The following STK24 variants were observed in gnomAD, a reference collection of about 807,000 sequenced individuals.
The protein encoded by STK24 is serine/threonine-protein kinase 24.
A neutral mutation model predicts 55.6 loss-of-function variants in STK24; 21 were observed. The ratio of observed to expected loss-of-function variants is 0.38; its 90% CI spans 0.27 to 0.54. The LOEUF is 0.54. Among genes scored for constraint, STK24 ranks in the 20% least tolerant of loss-of-function variants. The pLI is 0.79. For synonymous variants in STK24, 200 were observed against 215.2 expected, an observed-to-expected ratio of 0.93 and a Z score of 0.62; for missense variants, 383 against 538.4, an observed-to-expected ratio of 0.71 and a Z score of 2.86.
intron 2 of STK24, among the ~76,000 whole-genome samples, chr13:98,508,389 G>A (rs1022292036): frequency 9.2e-5 from 14 of 152,296 alleles, no homozygotes; most frequent in African/African-American, 3.1e-4. Flanking sequence ...AAGAAACATA[G>A]TAGGAAATTT....
chr13:98,550,653 C>A (rs1897135353), intron 1 of STK24, among the ~76,000 whole-genome samples: 1 of 152,172 alleles, frequency 6.6e-6, no homozygotes, highest in South Asian at 2.1e-4. Flanking sequence ...TACTGGTGGT[C>A]CCATGAAAGC....
intron 2 of STK24, among the ~76,000 whole-genome samples, chr13:98,507,977 G>C (rs1377480116): frequency 6.6e-6 from 1 of 151,626 alleles, no homozygotes; most frequent in Non-Finnish European, 1.5e-5. Flanking sequence ...AAATGCAACA[G>C]GGAAAGTACC....
chr13:98,576,183 T>A, intron 1 of STK24: 1 of 985,348 alleles, frequency 1.0e-6, no homozygotes, highest in Non-Finnish European at 1.2e-6. Context: ...GCAAAGCCAC[T>A]GCAAGTGGAA....
In STK24 at chr13:98,446,246, G is replaced by A; in HGVS notation, c.*6927C>T. On this transcript the variant is annotated 3_prime_UTR_variant, in exon 11 of 11. Coordinates refer to ENST00000539966, the MANE Select transcript of STK24 (RefSeq NM_001032296.4). Reference sequence around the variant, plus strand: ...AGGGCAGGTGGCCCTGGGACCTTGGGGGTGGCAGCATGAGGTGAGGGGGCC... The same window carrying A: ...AGGGCAGGTGGCCCTGGGACCTTGGAGGTGGCAGCATGAGGTGAGGGGGCC... 1 of 1,402,884 alleles carries A rather than the reference G, an allele frequency of 7.1e-7. No homozygotes were observed. Among genetic ancestry groups the A allele is most frequent in the Non-Finnish European group, 1.0e-6 (1 of 992,402 alleles). 86.9% of individuals were successfully genotyped at this position (1,402,884 alleles called of 1,614,324 possible). A position where few individuals can be genotyped will look rare whatever the true frequency, so the allele number is the denominator to read the frequency against.
At chr13:98,555,676 C>A (rs1180457947) in intron 1 of STK24, among the ~76,000 whole-genome samples, 1 of 149,946 alleles carries the variant, frequency 6.7e-6, no homozygotes, top group Non-Finnish European at 1.5e-5. Context: ...TATCAGCCTC[C>A]CTGTCTTTTT....
At chr13:98,499,517 C>T (rs906328559) in intron 2 of STK24, among the ~76,000 whole-genome samples, 25 of 152,168 alleles carry the variant, frequency 1.6e-4, no homozygotes, top group Non-Finnish European at 7.3e-5. Context: ...GCTGAAAGAA[C>T]TCACTGATGG....
intron 2 of STK24, among the ~76,000 whole-genome samples, chr13:98,504,590 G>A (rs1251972714): frequency 6.6e-6 from 1 of 152,224 alleles, no homozygotes; most frequent in African/African-American, 2.4e-5. Context: ...GGTTCATGGT[G>A]AGAATGAAGC....
In STK24 at chr13:98,448,137, C is replaced by T. The variant is rs536348607; in HGVS notation, c.*5036G>A. 3.2e-5 allele frequency: 31 copies of T among 976,348 alleles called. No homozygotes were observed. The highest frequency in any genetic ancestry group is 1.1e-4 in the Admixed American group (6 of 56,476). 60.5% of individuals were successfully genotyped at this position (976,348 alleles called of 1,614,324 possible). A position where few individuals can be genotyped will look rare whatever the true frequency, so the allele number is the denominator to read the frequency against. ...CTGAAGTGGCAGATTACCAACCAGG[C>T]GGCCTGACTTCACCTTGTGTTTCTG... On this transcript the variant is annotated 3_prime_UTR_variant, in exon 11 of 11. Coordinates refer to ENST00000539966, the MANE Select transcript of STK24 (RefSeq NM_001032296.4).
chr13:98,547,860 C>G (rs960250506), intron 1 of STK24, among the ~76,000 whole-genome samples: 1 of 152,232 alleles, frequency 6.6e-6, no homozygotes, highest in Admixed American at 6.5e-5. Context: ...CAGCCTCATT[C>G]ACCTTCTCAT....
chr13:98,527,124 T>A (rs1241437043), intron 1 of STK24, among the ~76,000 whole-genome samples: 1 of 152,088 alleles, frequency 6.6e-6, no homozygotes, highest in Non-Finnish European at 1.5e-5. Flanking sequence ...CTATCACTCT[T>A]CACAGGGAAT....
chr13:98,556,534 C>CA (rs1288289297), intron 1 of STK24, among the ~76,000 whole-genome samples: 4 of 151,874 alleles, frequency 2.6e-5, no homozygotes, highest in South Asian at 4.2e-4. Context: ...ACAACAACAA[C>CA]AAAAAAATCA....
intron 1 of STK24, among the ~76,000 whole-genome samples, chr13:98,560,691 C>T (rs193273771): frequency 1.2e-3 from 175 of 152,098 alleles, no homozygotes; most frequent in Middle Eastern, 0.01. Context: ...CCAGCCTAAC[C>T]AACATGGTGA....
At chr13:98,503,024 G>GTTTTTTGTT (rs1555306359) in intron 2 of STK24, among the ~76,000 whole-genome samples, 1 of 107,084 alleles carries the variant, frequency 9.3e-6, no homozygotes. Context: ...CTTTCCATGT[G>GTTTTTTGTT]TTTTTTTTTT....
intron 1 of STK24, among the ~76,000 whole-genome samples, chr13:98,524,398 G>A (rs937333725): frequency 2.0e-5 from 3 of 152,200 alleles, no homozygotes; most frequent in African/African-American, 7.2e-5. Context: ...AGCATGTGGA[G>A]AGGCCTGTTC....
intron 1 of STK24, among the ~76,000 whole-genome samples, chr13:98,547,487 A>C (rs1314333549): frequency 2.0e-5 from 3 of 152,174 alleles, no homozygotes; most frequent in African/African-American, 7.2e-5. Context: ...GTTCGAGGCT[A>C]TAGTTAGCCA....
At position 98,449,036 on chromosome 13, in the gene STK24, C is replaced by A. The variant is rs1893050267; in HGVS notation, c.*4137G>T. The stretch of plus-strand genomic sequence containing the variant: ...TGTTAAGCAAAGCCGAGATCCAGTG[C>A]AATACCTGGACTGTCACCGTCCTGT... On this transcript the variant is annotated 3_prime_UTR_variant, in exon 11 of 11. Coordinates refer to ENST00000539966, the MANE Select transcript of STK24 (RefSeq NM_001032296.4). 1 of 152,248 alleles carries A rather than the reference C, an allele frequency of 6.6e-6. No homozygotes were observed. The highest frequency in any genetic ancestry group is 1.5e-5 in the Non-Finnish European group (1 of 68,072). The allele number at this position is 152,248 out of a possible 1,614,324, so 9.4% of individuals were successfully genotyped here.
chr13:98,494,168 T>G (rs1486035901), intron 2 of STK24, among the ~76,000 whole-genome samples: 1 of 138,934 alleles, frequency 7.2e-6, no homozygotes, highest in Middle Eastern at 3.6e-3. Flanking sequence ...TCCTAGCACT[T>G]TGGGAGGCCG....
chr13:98,496,365 A>C (rs567656958), intron 2 of STK24, among the ~76,000 whole-genome samples: 1 of 152,352 alleles, frequency 6.6e-6, no homozygotes, highest in South Asian at 2.1e-4. Context: ...GGGAATTCTC[A>C]TGGAAAAAAG....
At chr13:98,493,470 C>G (rs1283285554) in intron 2 of STK24, among the ~76,000 whole-genome samples, 1 of 151,838 alleles carries the variant, frequency 6.6e-6, no homozygotes, top group African/African-American at 2.4e-5. Flanking sequence ...GAAAAAGTAC[C>G]CTGGGAGGCA....
Sources: allele counts gnomAD v4.1 joint callset (sites outside exome capture counted in the v4.1 genomes callset), GRCh38; gene constraint gnomAD v4.1.1; transcripts MANE v1.5; gene names NCBI Gene and HGNC (gene_info 2026-07-23, HGNC 2026-07-21).